Variants in ANKRD17 observed in about 807,000 individuals in gnomAD.
The protein encoded by ANKRD17 is ankyrin repeat domain-containing protein 17.
A neutral mutation model predicts 229.7 loss-of-function variants in ANKRD17; 19 were observed. That is an observed-to-expected ratio of 0.08 (90% CI 0.06 to 0.12). ANKRD17 has a LOEUF of 0.12. Ranked by LOEUF, ANKRD17 falls within the 10% of genes least tolerant of loss-of-function variation. ANKRD17 has a pLI of 1.00. For synonymous variants in ANKRD17, 1,112 were observed against 1,146.1 expected, an observed-to-expected ratio of 0.97 and a Z score of 0.60; for missense variants, 2,176 against 3,176.8, an observed-to-expected ratio of 0.68 and a Z score of 7.57.
intron 1 of ANKRD17, among the ~76,000 whole-genome samples, chr4:73,246,056 C>A (rs1034878690): frequency 2.0e-5 from 3 of 152,130 alleles, no homozygotes; most frequent in Admixed American, 2.0e-4. Flanking sequence ...ATGCCTACTA[C>A]TTCAAATGTG....
rs778941386 is a variant in ANKRD17, at chr4:73,135,224, G to T, written c.3127C>A (p.His1043Asn). Residue 1043 changes from histidine (H) to asparagine (N), a missense_variant, in exon 16 of 34, where the codon CAC becomes AAC. Around this residue, in one of 18 missense-constraint regions of ANKRD17, gnomAD observed 230 missense variants for 252.3 expected, o/e 0.91. Transcript: ENST00000358602. ...RASAMSNTPT[H>N]SIAASISQPQ... is the part of the protein sequence containing the mutation. ...TGGGAAATGGATGCAGCAATACTGT[G>T]GGTAGGAGTGTTTGACATTGCAGAT... The T allele has an allele frequency of 6.2e-7, 1 of 1,613,572 alleles. No homozygotes were observed. Among genetic ancestry groups the T allele is most frequent in the South Asian group, 1.1e-5 (1 of 91,044 alleles).
At chr4:73,234,014 A>G (rs1188180208) in intron 1 of ANKRD17, among the ~76,000 whole-genome samples, 1 of 151,758 alleles carries the variant, frequency 6.6e-6, no homozygotes, top group Admixed American at 6.6e-5. Context: ...CAGCTCAGGA[A>G]ATTTTCTTCA....
intron 1 of ANKRD17, among the ~76,000 whole-genome samples, chr4:73,229,952 C>T (rs1229804200): frequency 6.6e-6 from 1 of 151,932 alleles, no homozygotes; most frequent in Non-Finnish European, 1.5e-5. Context: ...CTAAAGTAAT[C>T]CATCATATTA....
At chr4:73,178,017 T>A (rs1734968351) in intron 1 of ANKRD17, among the ~76,000 whole-genome samples, 1 of 152,178 alleles carries the variant, frequency 6.6e-6, no homozygotes, top group Non-Finnish European at 1.5e-5. Context: ...ATCACATTCA[T>A]TAATATCACC....
At chr4:73,162,316 C>G (rs921280923) in intron 2 of ANKRD17, among the ~76,000 whole-genome samples, 2 of 152,102 alleles carry the variant, frequency 1.3e-5, no homozygotes, top group Non-Finnish European at 2.9e-5. Flanking sequence ...TGCCAAAGTA[C>G]TGGGATTATA....
rs774985941 is a variant in ANKRD17 at position 73,158,154 on chromosome 4, A to AAGAG, written c.705-1989_705-1988insCTCT. ...AAGGAGAAAGAAAGAAAGGAAGAAA[A>AAGAG]AGAAAGAAAGAAAGAAAGAAAGAAA... is the stretch of plus-strand genomic sequence containing the variant. On this transcript the variant is annotated intron_variant, in intron 3 of 33. Transcript: ENST00000358602. Among the ~76,000 whole-genome samples, 480 of 122,086 alleles carry AAGAG rather than the reference A, an allele frequency of 3.9e-3. 2 individuals are homozygous for AAGAG. Among genetic ancestry groups the AAGAG allele is most frequent in the Non-Finnish European group, 6.0e-3 (381 of 63,656 alleles). 80.1% of individuals were successfully genotyped at this position (122,086 alleles called of 152,430 possible).
At chr4:73,219,380 T>C (rs553105440) in intron 1 of ANKRD17, among the ~76,000 whole-genome samples, 4 of 152,202 alleles carry the variant, frequency 2.6e-5, no homozygotes, top group Non-Finnish European at 4.4e-5. Flanking sequence ...ACATGGAGAT[T>C]TGATATCATT....
chr4:73,194,407 C>T (rs1047762570), intron 1 of ANKRD17, among the ~76,000 whole-genome samples: 1 of 152,098 alleles, frequency 6.6e-6, no homozygotes, highest in African/African-American at 2.4e-5. Context: ...ATGTATCTTC[C>T]CTAGACTATT....
At position 73,177,410 on chromosome 4, in the gene ANKRD17, C is replaced by T. The variant is rs774080728; in HGVS notation, c.517G>A (p.Ala173Thr). 15 of 1,611,894 alleles carry T rather than the reference C, an allele frequency of 9.3e-6. No individual in the cohort carries two copies. The South Asian group carries it at 1.7e-4, about 18-fold the overall frequency. Residue 173 changes from alanine (A) to threonine (T), a missense_variant, in exon 2 of 34, where the codon GCT (alanine) becomes ACT (threonine). Around this residue, in one of 18 missense-constraint regions of ANKRD17, gnomAD observed 184 missense variants for 357.8 expected, o/e 0.51. Coordinates refer to ENST00000358602, the MANE Select transcript of ANKRD17 (RefSeq NM_032217.5). ...DLRTVDPETQ[A>T]RLEALLEAAG... ...GCTTCTAGTAAAGCTTCCAGTCTAG[C>T]CTGTGTTTCTGGATCTACTGTCCTG...
intron 12 of ANKRD17, 46 bp downstream of exon 12, chr4:73,142,594 G>C: frequency 6.2e-7 from 1 of 1,613,304 alleles, no homozygotes; most frequent in Non-Finnish European, 8.5e-7. Context: ...ATGACCAAGA[G>C]AGAAATACTA....
chr4:73,248,230 C>G (rs1326952404), intron 1 of ANKRD17, among the ~76,000 whole-genome samples: 1 of 151,876 alleles, frequency 6.6e-6, no homozygotes, highest in Non-Finnish European at 1.5e-5. Context: ...CAGACCTCAT[C>G]TTAAGAACAA....
chr4:73,248,203 T>C (rs1316933685), intron 1 of ANKRD17, among the ~76,000 whole-genome samples: 1 of 152,008 alleles, frequency 6.6e-6, no homozygotes, highest in Non-Finnish European at 1.5e-5. Flanking sequence ...AAGGACACTC[T>C]AGAAAAATCG....
At chr4:73,240,319 T>C (rs894879772) in intron 1 of ANKRD17, among the ~76,000 whole-genome samples, 46 of 151,714 alleles carry the variant, frequency 3.0e-4, no homozygotes, top group African/African-American at 1.1e-3. Flanking sequence ...AGAAGAAAAA[T>C]TGCTTCAAAA....
chr4:73,256,557 T>G (rs1745469907), intron 1 of ANKRD17, among the ~76,000 whole-genome samples: 1 of 152,204 alleles, frequency 6.6e-6, no homozygotes, highest in Admixed American at 6.5e-5. Context: ...CTTTGATTTG[T>G]ACTTTTGCTA....
chr4:73,080,654 G>A (rs1721470331), intron 30 of ANKRD17: 1 of 152,182 alleles, frequency 6.6e-6, no homozygotes, highest in Non-Finnish European at 1.5e-5. Context: ...AGGGCAGGCA[G>A]GCAGGAAGGA....
chr4:73,109,969 T>C (rs1417904699), intron 24 of ANKRD17, among the ~76,000 whole-genome samples: 1 of 135,114 alleles, frequency 7.4e-6, no homozygotes, highest in Non-Finnish European at 1.6e-5. Context: ...GGATAGGTTG[T>C]GTTTGAAAAA....
chr4:73,256,228 A>T (rs1029249731), intron 1 of ANKRD17, among the ~76,000 whole-genome samples: 1 of 152,226 alleles, frequency 6.6e-6, no homozygotes, highest in Admixed American at 6.5e-5. Context: ...CTACAAACTT[A>T]CAGCCATTCT....
chr4:73,166,474 C>G (rs928168178), intron 2 of ANKRD17, among the ~76,000 whole-genome samples: 6 of 152,118 alleles, frequency 3.9e-5, no homozygotes, highest in African/African-American at 1.4e-4. Context: ...AAGGCATTTT[C>G]AGACAGTCTA....
chr4:73,077,114 G>T lies in ANKRD17; in HGVS notation c.7588-10C>A, dbSNP rs1721079949. The T allele has an allele frequency of 1.3e-6, 2 of 1,552,046 alleles. No homozygotes were observed. Among genetic ancestry groups the T allele is most frequent in the African/African-American group, 2.8e-5 (2 of 72,112 alleles). ...CAGAAAAAGGCATACCCTTAAAAAA[G>T]GAAAACACACACATTAACATCCAAG... On this transcript the variant is annotated splice_polypyrimidine_tract_variant and intron_variant, in intron 32 of 33. Transcript: ENST00000358602.
Sources: gnomAD v4.1 joint callset for allele counts (sites outside exome capture counted in the v4.1 genomes callset) on GRCh38, gnomAD v4.1.1 for gene constraint, gnomAD v4.1.1 regional missense constraint, MANE v1.5 for transcripts, NCBI Gene and HGNC (gene_info 2026-07-23, HGNC 2026-07-21) for gene names.